The following TMEM132C variants were observed in gnomAD, a reference collection of about 807,000 sequenced individuals.
The protein encoded by TMEM132C is protein phosphatase 1, regulatory subunit 152.
In TMEM132C, 29 loss-of-function variants were observed where a neutral mutation model predicts 61.4. The ratio of observed to expected loss-of-function variants is 0.47; its 90% CI spans 0.35 to 0.64. The LOEUF is 0.64. Ranked by LOEUF, TMEM132C falls within the 30% of genes least tolerant of loss-of-function variation. The pLI, the probability that TMEM132C is intolerant of heterozygous loss-of-function variation, is 0.00. For synonymous variants in TMEM132C, 656 were observed against 633.1 expected, an observed-to-expected ratio of 1.04 and a Z score of -0.54; for missense variants, 1,408 against 1,476.9, an observed-to-expected ratio of 0.95 and a Z score of 0.76.
intron 1 of TMEM132C, among the ~76,000 whole-genome samples, chr12:128,381,411 C>T (rs188453105): frequency 6.6e-5 from 10 of 152,146 alleles, no homozygotes; most frequent in South Asian, 2.1e-4. Context: ...TTGTCCATGC[C>T]GAACACACGT....
intron 1 of TMEM132C, among the ~76,000 whole-genome samples, chr12:128,339,675 A>C (rs1872895014): frequency 1.4e-5 from 2 of 142,026 alleles, no homozygotes; most frequent in South Asian, 2.1e-4. Flanking sequence ...AAACACCAGT[A>C]CTAAAAAAAA....
chr12:128,316,968 C>T (rs1270665709), intron 1 of TMEM132C, among the ~76,000 whole-genome samples: 2 of 152,142 alleles, frequency 1.3e-5, no homozygotes, highest in Non-Finnish European at 2.9e-5. Context: ...CATGTGACCT[C>T]AATTTTTTGA....
chr12:128,488,943 G>A (rs897029220), intron 2 of TMEM132C, among the ~76,000 whole-genome samples: 2 of 152,004 alleles, frequency 1.3e-5, no homozygotes, highest in Admixed American at 1.3e-4. Flanking sequence ...TCCCACCCAG[G>A]TTGATAAAGG....
intron 4 of TMEM132C, among the ~76,000 whole-genome samples, chr12:128,654,173 A>T (rs773034277): frequency 2.0e-4 from 30 of 152,200 alleles, no homozygotes; most frequent in Non-Finnish European, 4.0e-4. Context: ...TGCAGATACC[A>T]TTGGGTTAAG....
chr12:128,676,816 C>A (rs1469325754), intron 5 of TMEM132C, among the ~76,000 whole-genome samples: 1 of 152,176 alleles, frequency 6.6e-6, no homozygotes, highest in Non-Finnish European at 1.5e-5. Flanking sequence ...TCATGAATAT[C>A]GCTGCCTTGG....
chr12:128,565,866 T>C (rs1202510105), intron 3 of TMEM132C, among the ~76,000 whole-genome samples: 4 of 146,006 alleles, frequency 2.7e-5, no homozygotes, highest in East Asian at 4.0e-4. Flanking sequence ...TAATATAATC[T>C]AAATAGGTGA....
chr12:128,395,186 A>G (rs955548119), intron 1 of TMEM132C, among the ~76,000 whole-genome samples: 8 of 150,348 alleles, frequency 5.3e-5, no homozygotes, highest in African/African-American at 1.7e-4. Flanking sequence ...ATACTAAATC[A>G]TATTTAATTA....
chr12:128,267,198 A>G lies in TMEM132C; in HGVS notation c.-205A>G, dbSNP rs1192192122. Among the ~76,000 whole-genome samples, 5 of 146,044 alleles carry G rather than the reference A, an allele frequency of 3.4e-5. No homozygotes were observed. The highest frequency in any genetic ancestry group is 2.1e-4 in the South Asian group (1 of 4,768). ...AAGTTGTCCCGGCCGGAGCGCGAGCAGCGGCGGAGCCGGAGCCGCCAGAGC... is the reference window on the plus strand; with the variant it reads ...AAGTTGTCCCGGCCGGAGCGCGAGCGGCGGCGGAGCCGGAGCCGCCAGAGC... On this transcript the variant is annotated 5_prime_UTR_variant, in exon 1 of 9. Coordinates refer to ENST00000435159, the MANE Select transcript of TMEM132C (RefSeq NM_001136103.3).
In TMEM132C at chr12:128,370,777, C is replaced by G. The variant is rs1000725063; in HGVS notation, c.86-43955C>G. ...TGTGGATCGAGGTGGAGTGGGGAGGCTCAGTGAAGAATTTCCAGCACAGCT... is the reference window on the plus strand; with the variant it reads ...TGTGGATCGAGGTGGAGTGGGGAGGGTCAGTGAAGAATTTCCAGCACAGCT... On this transcript the variant is annotated intron_variant, in intron 1 of 8. Transcript: ENST00000435159. Among the ~76,000 whole-genome samples, 4 of 76,702 alleles carry G rather than the reference C, an allele frequency of 5.2e-5. No homozygotes were observed. In the Admixed American group the frequency reaches 5.8e-4, roughly 11 times the overall value. 50.3% of individuals were successfully genotyped at this position (76,702 alleles called of 152,430 possible).
chr12:128,419,007 G>C (rs1410599368), intron 2 of TMEM132C, among the ~76,000 whole-genome samples: 1 of 152,106 alleles, frequency 6.6e-6, no homozygotes, highest in Non-Finnish European at 1.5e-5. Flanking sequence ...AATGCAATGT[G>C]CAAGTATCCA....
intron 1 of TMEM132C, among the ~76,000 whole-genome samples, chr12:128,342,207 C>T (rs1872997042): frequency 6.6e-6 from 1 of 152,034 alleles, no homozygotes; most frequent in South Asian, 2.1e-4. Flanking sequence ...TGGGGTGTCA[C>T]CATATTGGCC....
intron 4 of TMEM132C, among the ~76,000 whole-genome samples, chr12:128,660,509 A>G (rs114725847): frequency 0.016 from 2,368 of 152,310 alleles, 45 homozygotes; most frequent in African/African-American, 0.041. Context: ...TCCACTTAGA[A>G]GGGCCAAATT....
chr12:128,406,688 C>A (rs1281341919), intron 1 of TMEM132C, among the ~76,000 whole-genome samples: 2 of 152,150 alleles, frequency 1.3e-5, no homozygotes, highest in African/African-American at 4.8e-5. Flanking sequence ...AACTCTGGAA[C>A]AAGGATGTAC....
Position 128,705,234 on chromosome 12 carries a change from C to T in TMEM132C, c.2266C>T (p.Pro756Ser). The T allele has an allele frequency of 6.4e-7, 1 of 1,551,724 alleles. No homozygotes were observed. Among genetic ancestry groups the T allele is most frequent in the Non-Finnish European group, 8.7e-7 (1 of 1,147,010 alleles). ...SVPQPRSPRW[P>S]VVVAEGEGQG... ...CCCCCAGCCCCGCTCTCCCAGGTGGCCCGTTGTGGTGGCCGAAGGGGAAGG... is the reference window on the plus strand; with the variant it reads ...CCCCCAGCCCCGCTCTCCCAGGTGGTCCGTTGTGGTGGCCGAAGGGGAAGG... The change falls in exon 9 of 9, where the codon CCC (proline) becomes TCC (serine). Residue 756 changes from proline to serine, a missense_variant. Coordinates refer to ENST00000435159, the MANE Select transcript of TMEM132C (RefSeq NM_001136103.3).
At chr12:128,527,508 C>T (rs892743647) in intron 2 of TMEM132C, among the ~76,000 whole-genome samples, 2 of 152,080 alleles carry the variant, frequency 1.3e-5, no homozygotes, top group African/African-American at 4.8e-5. Flanking sequence ...TCAAGGAAGC[C>T]GCAGTTACCT....
chr12:128,325,323 A>G (rs1389430576), intron 1 of TMEM132C, among the ~76,000 whole-genome samples: 1 of 152,184 alleles, frequency 6.6e-6, no homozygotes, highest in Admixed American at 6.5e-5. Context: ...CTAGTTAAAA[A>G]ATTGGGCCAT....
intron 1 of TMEM132C, among the ~76,000 whole-genome samples, chr12:128,306,758 A>C (rs1871797912): frequency 6.6e-6 from 1 of 152,180 alleles, no homozygotes; most frequent in Non-Finnish European, 1.5e-5. Context: ...GATTACTGCT[A>C]GGGTTTTGGA....
chr12:128,292,989 C>T (rs1260903104), intron 1 of TMEM132C, among the ~76,000 whole-genome samples: 3 of 152,036 alleles, frequency 2.0e-5, no homozygotes, highest in African/African-American at 4.8e-5. Context: ...CGAGCACCAA[C>T]TTGTGTTGTA....
intron 2 of TMEM132C, among the ~76,000 whole-genome samples, chr12:128,453,533 T>C (rs1045350888): frequency 6.6e-5 from 10 of 152,244 alleles, no homozygotes; most frequent in Admixed American, 5.9e-4. Context: ...AGAGTCACAC[T>C]GAGCCAGCCC....
Sources: allele counts gnomAD v4.1 joint callset (sites outside exome capture counted in the v4.1 genomes callset), GRCh38; gene constraint gnomAD v4.1.1; transcripts MANE v1.5; gene names NCBI Gene and HGNC (gene_info 2026-07-23, HGNC 2026-07-21).